Variants in CTNNA3 observed in about 807,000 individuals in gnomAD.
CTNNA3 encodes catenin alpha 3, also known as catenin alpha-3.
A neutral mutation model predicts 95.7 loss-of-function variants in CTNNA3; 76 were observed. That is an observed-to-expected ratio of 0.79 (90% CI 0.66 to 0.96). The LOEUF (loss-of-function observed/expected upper bound fraction) is 0.96, where lower values mean the gene tolerates loss of function less well. CTNNA3 is among the 40% of genes least tolerant of loss of function. CTNNA3 has a pLI of 0.00. For synonymous variants in CTNNA3, 431 were observed against 374.4 expected, an observed-to-expected ratio of 1.15 and a Z score of -1.74; for missense variants, 1,191 against 1,089.8, an observed-to-expected ratio of 1.09 and a Z score of -1.31.
intron 7 of CTNNA3, among the ~76,000 whole-genome samples, chr10:66,846,502 GA>G: frequency 6.6e-6 from 1 of 151,556 alleles, no homozygotes; most frequent in Admixed American, 6.6e-5. Flanking sequence ...CACACAAAAT[GA>G]GGGGATAGAT....
chr10:66,048,438 G>A (rs1216318394), intron 15 of CTNNA3, among the ~76,000 whole-genome samples: 1 of 152,112 alleles, frequency 6.6e-6, no homozygotes, highest in East Asian at 1.9e-4. Context: ...GAAGATTGAA[G>A]CCGGACCTCT....
chr10:66,987,233 G>A (rs6480245), intron 7 of CTNNA3, among the ~76,000 whole-genome samples: 107,835 of 152,064 alleles, frequency 0.71, 38,423 homozygotes, highest in East Asian at 0.8. Context: ...TGAATGAAAC[G>A]GGTGGCCACA....
chr10:66,328,933 T>TATATATATATATATATATATATATACAC (rs59003281), intron 12 of CTNNA3, among the ~76,000 whole-genome samples: 8 of 115,400 alleles, frequency 6.9e-5, no homozygotes, highest in South Asian at 3.0e-4. Context: ...TATATATATA[T>TATATATATATATATATATATATATACAC]ACACACACAC....
intron 5 of CTNNA3, among the ~76,000 whole-genome samples, chr10:67,324,559 A>C (rs1309560674): frequency 6.6e-6 from 1 of 152,190 alleles, no homozygotes; most frequent in African/African-American, 2.4e-5. Context: ...GCATACATTG[A>C]ACCAACCTTG....
chr10:66,545,992 A>G (rs1336803878), intron 10 of CTNNA3, among the ~76,000 whole-genome samples: 1 of 150,840 alleles, frequency 6.6e-6, no homozygotes, highest in African/African-American at 2.4e-5. Flanking sequence ...TCTGGATATA[A>G]ACTCATTGTC....
In CTNNA3 at chr10:67,180,307, A is replaced by C; in HGVS notation, c.1047+10T>G. On this transcript the variant is annotated intron_variant, in intron 7 of 17. Transcript: ENST00000433211. ...GGGGCTAGGGATGGGAAGGCAAACCAGTCACCTACGTTGTTCATGTACTCT... is the reference window on the plus strand; with the variant it reads ...GGGGCTAGGGATGGGAAGGCAAACCCGTCACCTACGTTGTTCATGTACTCT... 2 of 1,612,100 alleles carry C rather than the reference A, an allele frequency of 1.2e-6. No homozygotes were observed. The highest frequency in any genetic ancestry group is 1.7e-6 in the Non-Finnish European group (2 of 1,179,014).
intron 7 of CTNNA3, among the ~76,000 whole-genome samples, chr10:66,949,525 T>C (rs1167690604): frequency 1.3e-5 from 2 of 150,396 alleles, no homozygotes; most frequent in Non-Finnish European, 2.9e-5. Context: ...GCCATTGGAC[T>C]CCATCCTGGG....
chr10:66,554,359 T>G (rs755849816), intron 10 of CTNNA3, among the ~76,000 whole-genome samples: 1 of 152,112 alleles, frequency 6.6e-6, no homozygotes, highest in Non-Finnish European at 1.5e-5. Context: ...CACCTTGAAA[T>G]TTTTTTAGAC....
chr10:66,975,522 A>G (rs1849979009), intron 7 of CTNNA3, among the ~76,000 whole-genome samples: 1 of 152,188 alleles, frequency 6.6e-6, no homozygotes, highest in African/African-American at 2.4e-5. Flanking sequence ...TTGGCTGGAT[A>G]TTGCAAATCA....
intron 15 of CTNNA3, among the ~76,000 whole-genome samples, chr10:66,055,591 C>A (rs1240694421): frequency 2.0e-5 from 3 of 152,030 alleles, no homozygotes; most frequent in Admixed American, 6.6e-5. Flanking sequence ...CTGAATTTAT[C>A]AGATCCAGTA....
intron 7 of CTNNA3, among the ~76,000 whole-genome samples, chr10:66,955,140 G>T (rs1037967591): frequency 3.9e-5 from 6 of 152,054 alleles, no homozygotes; most frequent in Non-Finnish European, 8.8e-5. Flanking sequence ...TTTCCTAGGT[G>T]CCTTTGGTAT....
intron 15 of CTNNA3, among the ~76,000 whole-genome samples, chr10:66,019,281 A>G (rs1456711191): frequency 6.6e-6 from 1 of 152,186 alleles, no homozygotes; most frequent in Admixed American, 6.5e-5. Flanking sequence ...TTTTATAAAA[A>G]CAACTCAGCC....
intron 7 of CTNNA3, among the ~76,000 whole-genome samples, chr10:66,912,870 C>T (rs973571884): frequency 2.0e-5 from 3 of 151,588 alleles, no homozygotes; most frequent in African/African-American, 7.3e-5. Flanking sequence ...ACACCCTTAA[C>T]GAACTATACA....
intron 13 of CTNNA3, among the ~76,000 whole-genome samples, chr10:66,274,780 G>A (rs2091356158): frequency 6.6e-6 from 1 of 152,106 alleles, no homozygotes; most frequent in African/African-American, 2.4e-5. Context: ...AAAAGAGTCT[G>A]CTGAGAATTT....
intron 5 of CTNNA3, among the ~76,000 whole-genome samples, chr10:67,241,937 T>C (rs1209991460): frequency 6.6e-6 from 1 of 152,054 alleles, no homozygotes; most frequent in East Asian, 1.9e-4. Flanking sequence ...ATGGCCCCAC[T>C]AGGAATAGGA....
chr10:66,660,206 G>A (rs1422143351), intron 9 of CTNNA3, among the ~76,000 whole-genome samples: 5 of 152,090 alleles, frequency 3.3e-5, no homozygotes, highest in African/African-American at 1.2e-4. Context: ...CATACAACTG[G>A]TGACTGCTCA....
intron 5 of CTNNA3, among the ~76,000 whole-genome samples, chr10:67,386,947 A>G (rs1356165273): frequency 6.6e-6 from 1 of 152,194 alleles, no homozygotes; most frequent in Non-Finnish European, 1.5e-5. Context: ...ACAAAAGTTA[A>G]GTATTTGTTA....
At chr10:67,554,222 G>A (rs554427275) in intron 3 of CTNNA3, among the ~76,000 whole-genome samples, 8 of 152,268 alleles carry the variant, frequency 5.3e-5, no homozygotes, top group African/African-American at 7.2e-5. Flanking sequence ...ATAAACATAC[G>A]TGTGCATGTG....
chr10:66,334,962 C>T (rs896879831), intron 12 of CTNNA3, among the ~76,000 whole-genome samples: 2 of 152,004 alleles, frequency 1.3e-5, no homozygotes, highest in South Asian at 2.1e-4. Flanking sequence ...CTTCTCTTCT[C>T]GCTTCATTTT....
Sources: allele counts gnomAD v4.1 joint callset (sites outside exome capture counted in the v4.1 genomes callset), GRCh38; gene constraint gnomAD v4.1.1; transcripts MANE v1.5; gene names NCBI Gene and HGNC (gene_info 2026-07-23, HGNC 2026-07-21).